The following PPARD variants were observed in gnomAD, a reference collection of about 807,000 sequenced individuals.
PPARD encodes the protein peroxisome proliferator-activated receptor delta.
A neutral mutation model predicts 39.5 loss-of-function variants in PPARD; 6 were observed. The observed-to-expected ratio is 0.15, with a 90% CI of 0.08 to 0.30. PPARD has a LOEUF of 0.30. Among genes scored for constraint, PPARD ranks in the 10% least tolerant of loss-of-function variants. PPARD has a pLI of 1.00. For synonymous variants in PPARD, 210 were observed against 231.3 expected (o/e 0.91, Z 0.83); for missense variants, 397 against 596.8 (o/e 0.67, Z 3.49).
Position 35,397,597 on chromosome 6 carries a change from C to G in PPARD, c.-101-13390C>G, listed in dbSNP as rs796756157. On this transcript the variant is annotated intron_variant, in intron 2 of 7. Transcript: ENST00000360694. ...ATCTCTACAGGACTGCTTCAAGGTG[C>G]GTGGTGAACAGACGTCTTTTTGCAA... 9.2e-6 allele frequency: 9 copies of G among 975,120 alleles called. No homozygotes were observed. In the Admixed American group the frequency reaches 2.5e-4, roughly 27 times the overall value. 60.4% of individuals were successfully genotyped at this position (975,120 alleles called of 1,614,324 possible).
intron 2 of PPARD, among the ~76,000 whole-genome samples, chr6:35,352,230 C>T (rs1335655898): frequency 6.6e-6 from 1 of 151,970 alleles, no homozygotes; most frequent in East Asian, 1.9e-4. Flanking sequence ...GTCACCCAGG[C>T]TAGAGTGCAG....
intron 2 of PPARD, among the ~76,000 whole-genome samples, chr6:35,352,650 A>G (rs1239575699): frequency 6.6e-6 from 1 of 152,140 alleles, no homozygotes; most frequent in East Asian, 1.9e-4. Flanking sequence ...TCATGTTGCT[A>G]TAGTCAAATG....
chr6:35,411,367 C>T (rs936417594), intron 3 of PPARD, 150 bp downstream of exon 3: 6 of 1,006,356 alleles, frequency 6.0e-6, no homozygotes, highest in Non-Finnish European at 7.9e-6. Context: ...ACGCCCAGTG[C>T]GGTGGGGATC....
At chr6:35,405,428 A>T (rs1488705255) in intron 2 of PPARD, among the ~76,000 whole-genome samples, 4 of 152,040 alleles carry the variant, frequency 2.6e-5, no homozygotes, top group African/African-American at 9.7e-5. Context: ...ATTCTGGCTC[A>T]GGGCCCTTGT....
chr6:35,423,639 T>A (rs527626505), intron 5 of PPARD, among the ~76,000 whole-genome samples: 1 of 152,134 alleles, frequency 6.6e-6, no homozygotes, highest in South Asian at 2.1e-4. Context: ...GTCACCAAAG[T>A]CTGTCTTACC....
chr6:35,406,605 C>T (rs1012102107), intron 2 of PPARD, among the ~76,000 whole-genome samples: 5 of 152,182 alleles, frequency 3.3e-5, no homozygotes, highest in Non-Finnish European at 7.3e-5. Flanking sequence ...CACTGGTGTC[C>T]TTGAGAGGCC....
chr6:35,424,127 C>G lies in PPARD; in HGVS notation c.606C>G (p.Thr202=), dbSNP rs9658160. The change falls in exon 6 of 8, where the codon ACC becomes ACG. Residue 202 remains threonine (T), a synonymous_variant. Coordinates refer to ENST00000360694, the MANE Select transcript of PPARD (RefSeq NM_006238.5). The surrounding 1 kb of genome is among the most constrained non-coding windows in gnomAD (Gnocchi z 7.1). ...MTKKKARSIL[T]GKASHTAPFV... ...AAAAGAAGGCCCGCAGCATCCTCAC[C>G]GGCAAAGCCAGCCACACGGCGGTGA... is the stretch of plus-strand genomic sequence containing the variant. The G allele has an allele frequency of 6.2e-7, 1 of 1,612,978 alleles. No homozygotes were observed. The highest frequency in any genetic ancestry group is 8.5e-7 in the Non-Finnish European group (1 of 1,180,030).
intron 2 of PPARD, among the ~76,000 whole-genome samples, chr6:35,391,300 C>CTTTT (rs904539096): frequency 6.6e-6 from 1 of 152,172 alleles, no homozygotes; most frequent in African/African-American, 2.4e-5. Flanking sequence ...AAGAATAAAA[C>CTTTT]AATGAATTTC....
intron 1 of PPARD, among the ~76,000 whole-genome samples, chr6:35,345,481 G>T (rs556355656): frequency 6.6e-6 from 1 of 152,022 alleles, no homozygotes; most frequent in African/African-American, 2.4e-5. Flanking sequence ...GTAAAGACAG[G>T]CTCTCACAAT....
At position 35,395,981 on chromosome 6, in the gene PPARD, G is replaced by C. The variant is rs180813325; in HGVS notation, c.-101-15006G>C. ...GTGCTGTGCACTGTTTGATTCACAC[G>C]GAAGCTGGGTAGGCTCCATGGAAGA... On this transcript the variant is annotated intron_variant, in intron 2 of 7. Transcript: ENST00000360694. Among the ~76,000 whole-genome samples the C allele has an allele frequency of 7.6e-4, 115 of 152,196 alleles. 1 individual carries two copies. Among genetic ancestry groups the C allele is most frequent in the Middle Eastern group, 3.4e-3 (1 of 294 alleles).
At chr6:35,350,917 G>A (rs945801528) in intron 2 of PPARD, among the ~76,000 whole-genome samples, 3 of 152,080 alleles carry the variant, frequency 2.0e-5, no homozygotes, top group African/African-American at 7.2e-5. Flanking sequence ...ATGAGCCACC[G>A]CGCCTGGGCG....
At chr6:35,403,919 G>A (rs1764859704) in intron 2 of PPARD, among the ~76,000 whole-genome samples, 1 of 152,236 alleles carries the variant, frequency 6.6e-6, no homozygotes, top group African/African-American at 2.4e-5. Context: ...GGCAGAGCAG[G>A]AGGATAGGCC....
intron 1 of PPARD, among the ~76,000 whole-genome samples, chr6:35,346,115 G>A (rs1054523573): frequency 2.2e-4 from 34 of 152,054 alleles, no homozygotes; most frequent in African/African-American, 7.2e-4. Flanking sequence ...TCCTGACCTC[G>A]TGATCTGCCC....
At chr6:35,373,329 T>C (rs1458491652) in intron 2 of PPARD, among the ~76,000 whole-genome samples, 1 of 152,200 alleles carries the variant, frequency 6.6e-6, no homozygotes, top group Admixed American at 6.5e-5. Flanking sequence ...ATTGAACACA[T>C]GCCTGACTCT....
chr6:35,357,332 G>T (rs1375638865), intron 2 of PPARD, among the ~76,000 whole-genome samples: 1 of 152,112 alleles, frequency 6.6e-6, no homozygotes, highest in Non-Finnish European at 1.5e-5. Flanking sequence ...TTTCTTTGCA[G>T]CCCCCTCTCC....
chr6:35,354,093 G>A (rs1206514350), intron 2 of PPARD, among the ~76,000 whole-genome samples: 8 of 151,700 alleles, frequency 5.3e-5, no homozygotes, highest in African/African-American at 1.5e-4. Flanking sequence ...TTAGCTGGGC[G>A]TGGTGGTGGG....
At position 35,425,201 on chromosome 6, in the gene PPARD, G is replaced by A. The variant is rs200473099; in HGVS notation, c.1078+422G>A. Reference sequence around the variant, plus strand: ...AGCCAGGAGAATCGCTTGAACCCGAGAGGTGGAGGTTGCAGTGAGCCAAAA... The same window carrying A: ...AGCCAGGAGAATCGCTTGAACCCGAAAGGTGGAGGTTGCAGTGAGCCAAAA... On this transcript the variant is annotated intron_variant, in intron 7 of 7. Coordinates refer to ENST00000360694, the MANE Select transcript of PPARD (RefSeq NM_006238.5). The surrounding 1 kb of genome is among the most constrained non-coding windows in gnomAD (Gnocchi z 4.5). The A allele has an allele frequency of 1.4e-5, 13 of 901,718 alleles. No individual in the cohort carries two copies. The highest frequency in any genetic ancestry group is 1.6e-5 in the Non-Finnish European group (12 of 738,200). The allele number at this position is 901,718 out of a possible 1,614,324, so 55.9% of individuals were successfully genotyped here.
intron 3 of PPARD, among the ~76,000 whole-genome samples, chr6:35,416,374 CAAAAAAAAAAAAAAAAAAAAAAA>C (rs1170617869): frequency 2.1e-3 from 111 of 52,618 alleles, no homozygotes; most frequent in African/African-American, 6.7e-3. Context: ...GACTTCATCT[CAAAAAAAAAAAAAAAAAAAAAAA>C]AAAAAAAAAA....
intron 5 of PPARD, among the ~76,000 whole-genome samples, chr6:35,422,759 T>C (rs1766262187): frequency 6.6e-6 from 1 of 152,176 alleles, no homozygotes; most frequent in East Asian, 1.9e-4. Flanking sequence ...ATCTCGGAAC[T>C]GACTGAATCC....
Sources: gnomAD v4.1 joint callset for allele counts (sites outside exome capture counted in the v4.1 genomes callset) on GRCh38, gnomAD v4.1.1 for gene constraint, Gnocchi (gnomAD v3.1) non-coding constraint, MANE v1.5 for transcripts, NCBI Gene and HGNC (gene_info 2026-07-23, HGNC 2026-07-21) for gene names.